The following CLEC16A variants were observed in gnomAD, a reference collection of about 807,000 sequenced individuals.
CLEC16A encodes C-type lectin domain containing 16A, also known as protein CLEC16A.
CLEC16A carries 51 observed loss-of-function variants against 109.5 expected under a neutral mutation model. The ratio of observed to expected loss-of-function variants is 0.47; its 90% CI spans 0.37 to 0.59. The LOEUF (loss-of-function observed/expected upper bound fraction) is 0.59, where lower values mean the gene tolerates loss of function less well. CLEC16A is among the 20% of genes least tolerant of loss of function. CLEC16A has a pLI of 0.00. For synonymous variants in CLEC16A, 673 were observed against 564.2 expected (o/e 1.19, Z -2.73); for missense variants, 1,339 against 1,394.0 (o/e 0.96, Z 0.63).
intron 19 of CLEC16A, among the ~76,000 whole-genome samples, chr16:11,089,972 A>G (rs1447423390): frequency 1.3e-5 from 2 of 152,202 alleles, no homozygotes; most frequent in Non-Finnish European, 2.9e-5. Context: ...GAGGCCACAC[A>G]GCTGTGTTCT....
intron 10 of CLEC16A, among the ~76,000 whole-genome samples, chr16:10,989,438 T>C (rs185218478): frequency 6.6e-6 from 1 of 152,256 alleles, no homozygotes; most frequent in Non-Finnish European, 1.5e-5. Flanking sequence ...TTTCGCCGTG[T>C]TACCCAAGCT....
intron 19 of CLEC16A, among the ~76,000 whole-genome samples, chr16:11,086,771 G>T (rs1463208216): frequency 6.6e-6 from 1 of 152,038 alleles, no homozygotes; most frequent in African/African-American, 2.4e-5. Context: ...TCAAACTCCT[G>T]ACCCCAGGTG....
At chr16:11,103,206 A>G (rs1388041133) in intron 19 of CLEC16A, among the ~76,000 whole-genome samples, 1 of 152,246 alleles carries the variant, frequency 6.6e-6, no homozygotes, top group Non-Finnish European at 1.5e-5. Context: ...AGGAGCCAGC[A>G]GTCCCCCCAG....
chr16:11,167,556 G>A (rs915129684), intron 23 of CLEC16A, among the ~76,000 whole-genome samples: 5 of 152,110 alleles, frequency 3.3e-5, no homozygotes, highest in African/African-American at 9.7e-5. Context: ...ATCTCCCTGG[G>A]CACCTACACC....
chr16:10,970,068 A>G (rs750696293), intron 4 of CLEC16A, among the ~76,000 whole-genome samples: 14 of 152,216 alleles, frequency 9.2e-5, no homozygotes, highest in Non-Finnish European at 1.9e-4. Context: ...AGGGGTTTGA[A>G]CAATAGGGTC....
chr16:10,954,036 C>T lies in CLEC16A; in HGVS notation c.81-3746C>T, dbSNP rs2041867072. 6.6e-6 allele frequency among the ~76,000 whole-genome samples: 1 copy of T among 151,766 alleles called. No homozygotes were observed. The highest frequency in any genetic ancestry group is 2.1e-4 in the South Asian group (1 of 4,814). On this transcript the variant is annotated intron_variant, in intron 1 of 23. Coordinates refer to ENST00000409790, the MANE Select transcript of CLEC16A (RefSeq NM_015226.3). This position sits in a 1 kb window ranked among gnomAD's most constrained non-coding sequence, Gnocchi z 4.2. ...CACCTCACAAAAGAAGATATTCAAA[C>T]AGTCCATAAACATATATGAACAGGC...
rs1001375361 is a variant in CLEC16A, at chr16:11,179,612, A to G, written c.*922A>G. 6 of 152,248 alleles carry G rather than the reference A, an allele frequency of 3.9e-5. No homozygotes were observed. Among genetic ancestry groups the G allele is most frequent in the African/African-American group, 1.4e-4 (6 of 41,454 alleles). 9.4% of individuals were successfully genotyped at this position (152,248 alleles called of 1,614,324 possible). A position where few individuals can be genotyped will look rare whatever the true frequency, so the allele number is the denominator to read the frequency against. The stretch of plus-strand genomic sequence containing the variant: ...AGAGACAGCTTCCAGCACCTTCTTC[A>G]GTGTTACCATCTCTAAGAAGGAACC... On this transcript the variant is annotated 3_prime_UTR_variant, in exon 24 of 24. Transcript: ENST00000409790.
intron 19 of CLEC16A, among the ~76,000 whole-genome samples, chr16:11,088,090 G>A (rs533142234): frequency 2.0e-5 from 3 of 152,216 alleles, no homozygotes; most frequent in Non-Finnish European, 2.9e-5. Flanking sequence ...TCTCTGTCTC[G>A]AAAGGGGCCT....
At position 11,081,223 on chromosome 16, in the gene CLEC16A, CT is replaced by C. The variant is rs760429452; in HGVS notation, c.2116+20202del. ...GGGTGGAGGCATGCCCAGTGGGCCC[CT>C]GGGTCTCAGAAACAGCAACCTTTTG... is the stretch of plus-strand genomic sequence containing the variant. On this transcript the variant is annotated intron_variant, in intron 19 of 23. Coordinates refer to ENST00000409790, the MANE Select transcript of CLEC16A (RefSeq NM_015226.3). Among the ~76,000 whole-genome samples the C allele has an allele frequency of 6.6e-5, 10 of 152,326 alleles. No homozygotes were observed. In the East Asian group the frequency reaches 1.9e-3, roughly 29 times the overall value.
chr16:11,146,545 T>A (rs546304338), intron 22 of CLEC16A, among the ~76,000 whole-genome samples: 2 of 138,970 alleles, frequency 1.4e-5, no homozygotes, highest in Non-Finnish European at 3.1e-5. Flanking sequence ...GATGGATGGG[T>A]ATAGAAGGAT....
intron 1 of CLEC16A, among the ~76,000 whole-genome samples, chr16:10,950,331 A>G (rs1297988376): frequency 1.3e-5 from 2 of 152,224 alleles, no homozygotes; most frequent in Non-Finnish European, 2.9e-5. Context: ...GCAATCAACA[A>G]ATATTTGTCA....
At chr16:10,999,932 G>A (rs113391139) in intron 10 of CLEC16A, among the ~76,000 whole-genome samples, 10,717 of 152,204 alleles carry the variant, frequency 0.07, 1,324 homozygotes, top group African/African-American at 0.24. Context: ...CGCCTCCCAG[G>A]TTCGATCGAT....
At chr16:10,986,166 G>A (rs2043643137) in intron 10 of CLEC16A, among the ~76,000 whole-genome samples, 1 of 151,660 alleles carries the variant, frequency 6.6e-6, no homozygotes, top group East Asian at 1.9e-4. Context: ...AAGTAGCTGG[G>A]ACTACAGGCG....
At chr16:11,129,041 A>C (rs13330724) in intron 22 of CLEC16A, among the ~76,000 whole-genome samples, 24 of 152,034 alleles carry the variant, frequency 1.6e-4, no homozygotes, top group African/African-American at 5.1e-4. Flanking sequence ...TCCGGCCCCA[A>C]CTGGCCTCTC....
intron 22 of CLEC16A, among the ~76,000 whole-genome samples, chr16:11,145,774 C>T (rs1158621525): frequency 6.6e-6 from 1 of 152,266 alleles, no homozygotes; most frequent in Non-Finnish European, 1.5e-5. Flanking sequence ...CTGTTGCTCT[C>T]CTTGCCCTCT....
intron 10 of CLEC16A, among the ~76,000 whole-genome samples, chr16:11,001,126 A>T (rs2044645037): frequency 6.6e-6 from 1 of 151,004 alleles, no homozygotes; most frequent in African/African-American, 2.4e-5. Context: ...GAGACATCTC[A>T]CTCTGTCTCC....
At chr16:11,090,911 C>G (rs981540302) in intron 19 of CLEC16A, among the ~76,000 whole-genome samples, 6 of 145,572 alleles carry the variant, frequency 4.1e-5, no homozygotes, top group Non-Finnish European at 7.5e-5. Flanking sequence ...CTCAAGTAAT[C>G]CACCCACCTC....
intron 3 of CLEC16A, among the ~76,000 whole-genome samples, chr16:10,963,128 T>A (rs778777701): frequency 6.6e-6 from 1 of 152,182 alleles, no homozygotes; most frequent in Non-Finnish European, 1.5e-5. Flanking sequence ...GCTCTCTTCC[T>A]GGCTTGCAGA....
chr16:11,117,909 G>A (rs2052119722), intron 19 of CLEC16A, among the ~76,000 whole-genome samples: 1 of 152,152 alleles, frequency 6.6e-6, no homozygotes, highest in Non-Finnish European at 1.5e-5. Context: ...ATGTTACCCT[G>A]GTGATTTCCA....
Sources: allele counts gnomAD v4.1 joint callset (sites outside exome capture counted in the v4.1 genomes callset), GRCh38; gene constraint gnomAD v4.1.1; non-coding constraint Gnocchi (gnomAD v3.1); transcripts MANE v1.5; gene names NCBI Gene and HGNC (gene_info 2026-07-23, HGNC 2026-07-21).